The following ERMN variants were observed in gnomAD, a reference collection of about 807,000 sequenced individuals.
The protein encoded by ERMN is ermin, also known as ermin, ERM-like protein.
ERMN carries 17 observed loss-of-function variants against 21.4 expected under a neutral mutation model. That is an observed-to-expected ratio of 0.80 (90% CI 0.54 to 1.19). The LOEUF is 1.19. Among genes scored for constraint, ERMN ranks in the 50% most tolerant of loss-of-function variants. The pLI, the probability that ERMN is intolerant of heterozygous loss-of-function variation, is 0.00. For synonymous variants in ERMN, 115 were observed against 111.9 expected (o/e 1.03, Z -0.17); for missense variants, 348 against 331.6 (o/e 1.05, Z -0.38).
chr2:157,324,120 A>ACACACACACACACAC (rs397966695), intron 2 of ERMN: 7 of 255,316 alleles, frequency 2.7e-5, no homozygotes, highest in African/African-American at 1.4e-4. Flanking sequence ...ACACACACAC[A>ACACACACACACACAC]AAATAGCTGG....
chr2:157,320,476 TTAAC>T lies in ERMN; in HGVS notation c.*791_*794del, dbSNP rs1390974355. The T allele has an allele frequency of 2.6e-5, 4 of 152,600 alleles. No homozygotes were observed. The highest frequency in any genetic ancestry group is 7.2e-5 in the African/African-American group (3 of 41,456). 9.5% of individuals were successfully genotyped at this position (152,600 alleles called of 1,614,324 possible). ...GCTGTCATTTTTATTTTTAATGACT[TTAAC>T]TGTGCTAGACAAGATTTTATTTTCA... On this transcript the variant is annotated 3_prime_UTR_variant, in exon 3 of 3. Coordinates refer to ENST00000410096, the MANE Select transcript of ERMN (RefSeq NM_020711.3).
chr2:157,321,223 A>T lies in ERMN; in HGVS notation c.*48T>A. 1 of 1,571,472 alleles carries T rather than the reference A, an allele frequency of 6.4e-7. No homozygotes were observed. Among genetic ancestry groups the T allele is most frequent in the Non-Finnish European group, 8.6e-7 (1 of 1,162,214 alleles). On this transcript the variant is annotated 3_prime_UTR_variant, in exon 3 of 3. Transcript: ENST00000410096. ...GAAATATGCACCCTGGGGCAATAGA[A>T]TTAGCTTTTCCTTTAGTGGGCATGA...
chr2:157,321,210 C>A lies in ERMN; in HGVS notation c.*61G>T. ...CAAATAAGGCATAGAAATATGCACC[C>A]TGGGGCAATAGAATTAGCTTTTCCT... On this transcript the variant is annotated 3_prime_UTR_variant, in exon 3 of 3. Coordinates refer to ENST00000410096, the MANE Select transcript of ERMN (RefSeq NM_020711.3). 6.4e-7 allele frequency: 1 copy of A among 1,556,198 alleles called. No individual in the cohort carries two copies.
At chr2:157,321,864 C>A in intron 2 of ERMN, 73 bp from the exon 3 acceptor site, 2 of 1,321,970 alleles carry the variant, frequency 1.5e-6, no homozygotes, top group Admixed American at 2.6e-5. Context: ...TGTTATTCTC[C>A]AAATAATTTT....
In ERMN at chr2:157,319,712, G is replaced by A. The variant is rs1683826650; in HGVS notation, c.*1559C>T. On this transcript the variant is annotated 3_prime_UTR_variant, in exon 3 of 3. Coordinates refer to ENST00000410096, the MANE Select transcript of ERMN (RefSeq NM_020711.3). ...GAAATCCATAGGTTGTATAGAATGA[G>A]GGTAACAGAACTTTTATGTTATCTG... The A allele has an allele frequency of 6.6e-6, 1 of 152,118 alleles. No individual in the cohort carries two copies. The highest frequency in any genetic ancestry group is 1.5e-5 in the Non-Finnish European group (1 of 68,002). 9.4% of individuals were successfully genotyped at this position (152,118 alleles called of 1,614,324 possible). A position where few individuals can be genotyped will look rare whatever the true frequency, so the allele number is the denominator to read the frequency against.
In ERMN at chr2:157,325,797, T is replaced by A. The variant is rs1684057039; in HGVS notation, c.-155A>T. 1.3e-6 allele frequency: 2 copies of A among 1,495,030 alleles called. No homozygotes were observed. The highest frequency in any genetic ancestry group is 1.8e-6 in the Non-Finnish European group (2 of 1,126,786). The allele number at this position is 1,495,030 out of a possible 1,614,324, so 92.6% of individuals were successfully genotyped here. ...ACTTTAGTACATAATAACAAGGTTCTTTTCCTAAAAGTATCCAGACAGAGA... is the reference window on the plus strand; with the variant it reads ...ACTTTAGTACATAATAACAAGGTTCATTTCCTAAAAGTATCCAGACAGAGA... On this transcript the variant is annotated 5_prime_UTR_variant, in exon 1 of 3. In the 5' UTR this introduces an upstream ATG that the reference lacks. Transcript: ENST00000410096.
At chr2:157,323,682 A>C (rs914203472) in intron 2 of ERMN, among the ~76,000 whole-genome samples, 4 of 152,202 alleles carry the variant, frequency 2.6e-5, no homozygotes, top group Non-Finnish European at 5.9e-5. Context: ...AGAGGAAAGA[A>C]ATGATTAATT....
In ERMN at chr2:157,321,278, T is replaced by C. The variant is rs554014653; in HGVS notation, c.848A>G (p.His283Arg). The C allele has an allele frequency of 1.2e-6, 2 of 1,612,286 alleles. No individual in the cohort carries two copies. The highest frequency in any genetic ancestry group is 1.7e-6 in the Non-Finnish European group (2 of 1,178,874). Residue 283 changes from histidine (H) to arginine (R), a missense_variant, in exon 3 of 3, where the codon CAT becomes CGT. Coordinates refer to ENST00000410096, the MANE Select transcript of ERMN (RefSeq NM_020711.3). ...QRIDEFESMM[H>R]L ...TTCTCAGTTCCAGTTAGTTTATAAA[T>C]GCATCATAGACTCGAATTCATCAAT...
chr2:157,327,247 A>G (rs1303185590), upstream of ERMN: 4 of 500,074 alleles, frequency 8.0e-6, no homozygotes, highest in African/African-American at 5.9e-5. Context: ...ATTCAGGTCT[A>G]TATCAGGGAC....
chr2:157,319,810 G>A lies in ERMN; in HGVS notation c.*1461C>T, dbSNP rs150060701. On this transcript the variant is annotated 3_prime_UTR_variant, in exon 3 of 3. Coordinates refer to ENST00000410096, the MANE Select transcript of ERMN (RefSeq NM_020711.3). ...CTTGTAAACAACTAAATAATAGTATGTGATACTATGGAAATATAATATATG... is the reference window on the plus strand; with the variant it reads ...CTTGTAAACAACTAAATAATAGTATATGATACTATGGAAATATAATATATG... 1.3e-5 allele frequency: 2 copies of A among 152,234 alleles called. No individual in the cohort carries two copies. Among genetic ancestry groups the A allele is most frequent in the African/African-American group, 4.8e-5 (2 of 41,560 alleles). The allele number at this position is 152,234 out of a possible 1,614,324, so 9.4% of individuals were successfully genotyped here. A position where few individuals can be genotyped will look rare whatever the true frequency, so the allele number is the denominator to read the frequency against.
Position 157,321,584 on chromosome 2 carries a change from A to T in ERMN, c.542T>A (p.Val181Asp). ...LHSKHDEEQK[V>D]WDEEIDDDDD... ...ATCATCATCAATTTCTTCATCCCAA[A>T]CCTTCTGCTCCTCATCATGTTTAGA... The change falls in exon 3 of 3, where the codon GTT becomes GAT. Residue 181 changes from valine (V) to aspartate (D), a missense_variant. Coordinates refer to ENST00000410096, the MANE Select transcript of ERMN (RefSeq NM_020711.3). 2.5e-6 allele frequency: 4 copies of T among 1,613,856 alleles called. No homozygotes were observed. Among genetic ancestry groups the T allele is most frequent in the Non-Finnish European group, 3.4e-6 (4 of 1,179,922 alleles).
In ERMN at chr2:157,321,594, C is replaced by T. The variant is rs773232236; in HGVS notation, c.532G>A (p.Glu178Lys). 1 of 1,614,086 alleles carries T rather than the reference C, an allele frequency of 6.2e-7. No individual in the cohort carries two copies. The highest frequency in any genetic ancestry group is 1.7e-5 in the Admixed American group (1 of 60,018). ...ADMLHSKHDEEQKVWDEEIDD... is the reference protein window; with the variant it reads ...ADMLHSKHDEKQKVWDEEIDD... ...ATTTCTTCATCCCAAACCTTCTGCTCCTCATCATGTTTAGAATGTAACATG... is the reference window on the plus strand; with the variant it reads ...ATTTCTTCATCCCAAACCTTCTGCTTCTCATCATGTTTAGAATGTAACATG... Residue 178 changes from glutamate (E) to lysine (K), a missense_variant, in exon 3 of 3, where the codon GAG becomes AAG. Glu to Lys is a moderately conservative substitution (Grantham distance 56). Coordinates refer to ENST00000410096, the MANE Select transcript of ERMN (RefSeq NM_020711.3).
chr2:157,325,240 G>C (rs775048198), intron 1 of ERMN, 162 bp downstream of exon 1: 1 of 988,282 alleles, frequency 1.0e-6, no homozygotes, highest in African/African-American at 1.6e-5. Context: ...GACCAGCCTG[G>C]ATTTCACCAG....
intron 2 of ERMN, among the ~76,000 whole-genome samples, chr2:157,322,244 ACG>A (rs762341008): frequency 7.9e-6 from 1 of 126,386 alleles, no homozygotes; most frequent in Non-Finnish European, 1.5e-5. Flanking sequence ...ACACACACAC[ACG>A]CACACACACA....
At position 157,319,686 on chromosome 2, in the gene ERMN, T is replaced by C. The variant is rs1026420674; in HGVS notation, c.*1585A>G. ...TTCTGGAAACTGATATTGTAACACA[T>C]GAAATCCATAGGTTGTATAGAATGA... On this transcript the variant is annotated 3_prime_UTR_variant, in exon 3 of 3. Transcript: ENST00000410096. 9.9e-5 allele frequency: 15 copies of C among 152,280 alleles called. No individual in the cohort carries two copies. In the East Asian group the frequency reaches 2.5e-3, roughly 25 times the overall value. The allele number at this position is 152,280 out of a possible 1,614,324, so 9.4% of individuals were successfully genotyped here.
At position 157,321,401 on chromosome 2, in the gene ERMN, G is replaced by A. The variant is rs1221851305; in HGVS notation, c.725C>T (p.Pro242Leu). ...SSQAVTPDEQ[P>L]TLGKKSDISR... ...GATATCACTCTTCTTCCCTAAGGTTGGCTGCTCATCAGGTGTCACAGCTTG... is the reference window on the plus strand; with the variant it reads ...GATATCACTCTTCTTCCCTAAGGTTAGCTGCTCATCAGGTGTCACAGCTTG... The change falls in exon 3 of 3, where the codon CCA becomes CTA. Residue 242 changes from proline to leucine, a missense_variant. Physicochemically the swap from Pro to Leu is moderately conservative, Grantham distance 98. Transcript: ENST00000410096. The A allele has an allele frequency of 6.2e-7, 1 of 1,614,104 alleles. No homozygotes were observed. The highest frequency in any genetic ancestry group is 8.5e-7 in the Non-Finnish European group (1 of 1,179,998).
At chr2:157,325,900 T>C, upstream of ERMN, 3 of 1,383,812 alleles carry the variant, frequency 2.2e-6, no homozygotes, top group Non-Finnish European at 2.8e-6. Context: ...ACCTTCTTTG[T>C]TGCTTGCCAG....
chr2:157,326,046 T>A, upstream of ERMN: 1 of 606,088 alleles, frequency 1.6e-6, no homozygotes, highest in South Asian at 5.8e-5. Flanking sequence ...TTTTGTCCCT[T>A]TTCATAATGG....
In ERMN at chr2:157,323,385, C is replaced by T. The variant is rs561700345; in HGVS notation, c.334+1285G>A. On this transcript the variant is annotated intron_variant, in intron 2 of 2. Coordinates refer to ENST00000410096, the MANE Select transcript of ERMN (RefSeq NM_020711.3). ...AAGTCTTAAGTCTTAAAAATTATCT[C>T]TGGTAATGTGACAGCTTGACACTGT... Among the ~76,000 whole-genome samples the T allele has an allele frequency of 7.9e-4, 121 of 152,290 alleles. 2 individuals carry two copies. In the South Asian group the frequency reaches 0.024, roughly 31 times the overall value.
Sources: allele counts gnomAD v4.1 joint callset (sites outside exome capture counted in the v4.1 genomes callset), GRCh38; gene constraint gnomAD v4.1.1; transcripts MANE v1.5; gene names NCBI Gene and HGNC (gene_info 2026-07-23, HGNC 2026-07-21).